RASEF: variants seen among roughly 807,000 people sequenced by gnomAD.
The protein encoded by RASEF is ras and EF-hand domain-containing protein.
In RASEF, 68 loss-of-function variants were observed where a neutral mutation model predicts 90.1. The observed-to-expected ratio is 0.75, with a 90% CI of 0.62 to 0.92. The LOEUF (loss-of-function observed/expected upper bound fraction) is 0.92. Ranked by LOEUF, RASEF falls within the 40% of genes least tolerant of loss-of-function variation. RASEF has a pLI of 0.00. For synonymous variants in RASEF, 331 were observed against 345.2 expected (o/e 0.96, Z 0.46); for missense variants, 949 against 937.2 (o/e 1.01, Z -0.16).
chr9:83,213,541 C>T, the RASEF span, among the ~76,000 whole-genome samples: 4 of 152,220 alleles, frequency 2.6e-5, no homozygotes, highest in South Asian at 6.2e-4. Context: ...TTTAAAATAA[C>T]CTGCAATTCC....
chr9:83,182,925 T>C, the RASEF span, among the ~76,000 whole-genome samples: 1 of 152,056 alleles, frequency 6.6e-6, no homozygotes, highest in East Asian at 1.9e-4. Context: ...AAAGGATGAA[T>C]GTCAAAATCA....
the RASEF span, among the ~76,000 whole-genome samples, chr9:83,118,918 A>T: frequency 2.0e-5 from 3 of 152,214 alleles, no homozygotes; most frequent in Non-Finnish European, 4.4e-5. Flanking sequence ...AAATCAGAAA[A>T]GCTGAAATAG....
At chr9:83,044,424 T>C (rs1829893300) in intron 1 of RASEF, among the ~76,000 whole-genome samples, 1 of 151,786 alleles carries the variant, frequency 6.6e-6, no homozygotes, top group Non-Finnish European at 1.5e-5. Flanking sequence ...GACAGAGGGG[T>C]AGGAACAAGG....
At chr9:83,160,938 G>A in the RASEF span, among the ~76,000 whole-genome samples, 1 of 152,206 alleles carries the variant, frequency 6.6e-6, no homozygotes, top group African/African-American at 2.4e-5. Flanking sequence ...TGTTGAGCCT[G>A]TAGGTGCACA....
At chr9:83,132,581 T>G in the RASEF span, among the ~76,000 whole-genome samples, 1 of 152,170 alleles carries the variant, frequency 6.6e-6, no homozygotes, top group African/African-American at 2.4e-5. Context: ...ATAACAAAAT[T>G]TGGGCAAAAC....
At position 83,000,353 on chromosome 9, in the gene RASEF, G is replaced by A. The variant is rs765588382; in HGVS notation, c.1576-37C>T. 11 of 1,611,496 alleles carry A rather than the reference G, an allele frequency of 6.8e-6. No individual in the cohort carries two copies. In the South Asian group the frequency reaches 1.2e-4, roughly 18 times the overall value. On this transcript the variant is annotated intron_variant, in intron 11 of 16. Coordinates refer to ENST00000376447, the MANE Select transcript of RASEF (RefSeq NM_152573.4). ...AGCCACAGTGAATGATAACGGTATT[G>A]CCAGTTTTCATCCTAATAAGTAACA...
the RASEF span, among the ~76,000 whole-genome samples, chr9:83,162,116 A>G: frequency 6.6e-6 from 1 of 152,134 alleles, no homozygotes; most frequent in Non-Finnish European, 1.5e-5. Flanking sequence ...ATAGATTGAG[A>G]TTATCTTTCC....
intron 1 of RASEF, among the ~76,000 whole-genome samples, chr9:83,040,642 T>C (rs1197362826): frequency 1.3e-5 from 2 of 152,200 alleles, no homozygotes; most frequent in African/African-American, 2.4e-5. Context: ...CAAATATATT[T>C]CCTGAATTAG....
chr9:83,154,960 G>C, the RASEF span, among the ~76,000 whole-genome samples: 3 of 152,192 alleles, frequency 2.0e-5, no homozygotes, highest in Non-Finnish European at 4.4e-5. Context: ...ACCGAAAGGA[G>C]GTAGCAAAGT....
At chr9:83,090,560 C>A in the RASEF span, among the ~76,000 whole-genome samples, 7 of 152,138 alleles carry the variant, frequency 4.6e-5, no homozygotes, top group East Asian at 1.2e-3. Flanking sequence ...TATGCCACCA[C>A]ACCTGGCTAA....
chr9:83,055,951 T>C (rs1052661629), intron 1 of RASEF, among the ~76,000 whole-genome samples: 10 of 152,156 alleles, frequency 6.6e-5, no homozygotes, highest in African/African-American at 2.4e-4. Context: ...CTTCAGGTGT[T>C]AGAAACTCCT....
the RASEF span, among the ~76,000 whole-genome samples, chr9:83,198,351 TA>T: frequency 6.6e-6 from 1 of 152,168 alleles, no homozygotes; most frequent in African/African-American, 2.4e-5. Context: ...CTTTACTGTC[TA>T]AAAACTGCAA....
intron 4 of RASEF, among the ~76,000 whole-genome samples, chr9:83,013,550 T>G (rs1020625002): frequency 6.6e-6 from 1 of 152,256 alleles, no homozygotes; most frequent in African/African-American, 2.4e-5. Flanking sequence ...GTAACAAATT[T>G]GTAAACTATA....
intron 1 of RASEF, among the ~76,000 whole-genome samples, chr9:83,046,749 C>G (rs1829939873): frequency 6.6e-6 from 1 of 152,032 alleles, no homozygotes; most frequent in Admixed American, 6.6e-5. Flanking sequence ...ACTGTGTCAT[C>G]CCAGGGGATG....
the RASEF span, among the ~76,000 whole-genome samples, chr9:83,173,049 CG>C: frequency 3.9e-5 from 6 of 152,064 alleles, no homozygotes; most frequent in East Asian, 1.2e-3. Flanking sequence ...TTTCCTTCAG[CG>C]TTTTGAATCT....
chr9:83,059,171 C>A (rs1341300261), intron 1 of RASEF, among the ~76,000 whole-genome samples: 1 of 151,786 alleles, frequency 6.6e-6, no homozygotes, highest in Admixed American at 6.6e-5. Flanking sequence ...AAAATTGCTG[C>A]AAATGGGAGT....
chr9:83,074,135 C>G, the RASEF span, among the ~76,000 whole-genome samples: 1 of 152,088 alleles, frequency 6.6e-6, no homozygotes, highest in African/African-American at 2.4e-5. Context: ...CTTCTGTAAG[C>G]TCCTTTTATT....
the RASEF span, among the ~76,000 whole-genome samples, chr9:83,100,872 T>A: frequency 6.6e-6 from 1 of 152,158 alleles, no homozygotes; most frequent in East Asian, 1.9e-4. Flanking sequence ...ATCTCTTATG[T>A]TTTTCATAGT....
At chr9:83,033,984 T>C (rs773445981) in intron 1 of RASEF, among the ~76,000 whole-genome samples, 14 of 152,218 alleles carry the variant, frequency 9.2e-5, no homozygotes, top group Non-Finnish European at 1.5e-4. Context: ...AAATAAAAAG[T>C]ACTCTTCTAA....
Sources: allele counts gnomAD v4.1 joint callset (sites outside exome capture counted in the v4.1 genomes callset), GRCh38; gene constraint gnomAD v4.1.1; transcripts MANE v1.5; gene names NCBI Gene and HGNC (gene_info 2026-07-23, HGNC 2026-07-21).